IL16: variants seen among roughly 807,000 people sequenced by gnomAD.
IL16 encodes the protein interleukin 16.
Under a neutral mutation model 110.1 loss-of-function variants are expected in IL16, and 67 were observed. That is an observed-to-expected ratio of 0.61 (90% CI 0.50 to 0.75). IL16 has a LOEUF of 0.75. Ranked by LOEUF, IL16 falls within the 30% of genes least tolerant of loss-of-function variation. The pLI is 0.00. For synonymous variants in IL16, 689 were observed against 662.9 expected, an observed-to-expected ratio of 1.04 and a Z score of -0.61; for missense variants, 1,545 against 1,655.0, an observed-to-expected ratio of 0.93 and a Z score of 1.15.
Position 81,277,640 on chromosome 15 carries a change from C to T in IL16, c.791-1177C>T, listed in dbSNP as rs117955688. Among the ~76,000 whole-genome samples the T allele has an allele frequency of 2.2e-3, 341 of 152,158 alleles. 3 individuals carry two copies. The East Asian group carries it at 0.03, about 13-fold the overall frequency. Reference sequence around the variant, plus strand: ...TGTACGTTTTGTAGAAACAGGGTTTCGCCATGTTGCCCAGGGTGCCCCCAT... The same window carrying T: ...TGTACGTTTTGTAGAAACAGGGTTTTGCCATGTTGCCCAGGGTGCCCCCAT... On this transcript the variant is annotated intron_variant, in intron 6 of 18. Coordinates refer to ENST00000683961, the MANE Select transcript of IL16 (RefSeq NM_172217.5).
rs532872365 is a variant in IL16 at position 81,231,324 on chromosome 15, G to GTCTCTCTCTCTCTC, written c.312+5658_312+5671dup. Among the ~76,000 whole-genome samples the GTCTCTCTCTCTCTC allele has an allele frequency of 1.6e-3, 76 of 47,132 alleles. 17 individuals are homozygous for GTCTCTCTCTCTCTC. Among genetic ancestry groups the GTCTCTCTCTCTCTC allele is most frequent in the East Asian group, 2.2e-3 (3 of 1,346 alleles). 30.9% of individuals were successfully genotyped at this position (47,132 alleles called of 152,430 possible). A position where few individuals can be genotyped will look rare whatever the true frequency, so the allele number is the denominator to read the frequency against. ...GGGGAGATCTACCCAAGGTCGGTCT[G>GTCTCTCTCTCTCTC]TCTCTCTCTCTCTCTCTCTCTCTCT... On this transcript the variant is annotated intron_variant, in intron 2 of 18. Coordinates refer to ENST00000683961, the MANE Select transcript of IL16 (RefSeq NM_172217.5).
Position 81,196,888 on chromosome 15 carries a change from C to G in IL16, c.-366C>G. On this transcript the variant is annotated 5_prime_UTR_variant, in exon 1 of 19. Transcript: ENST00000683961. ...CCATGCCAGGTGGGACACATTTGTC[C>G]TGAGTCACCTGTCCAGAGCAGGTGG... 3.4e-6 allele frequency: 4 copies of G among 1,173,184 alleles called. No homozygotes were observed. Among genetic ancestry groups the G allele is most frequent in the Middle Eastern group, 3.8e-4 (1 of 2,630 alleles). The allele number at this position is 1,173,184 out of a possible 1,614,324, so 72.7% of individuals were successfully genotyped here.
intron 1 of IL16, among the ~76,000 whole-genome samples, chr15:81,198,526 C>T (rs532819960): frequency 1.3e-5 from 2 of 152,204 alleles, no homozygotes; most frequent in East Asian, 1.9e-4. Context: ...TTATTATTTT[C>T]TAATTGTTTG....
intron 1 of IL16, among the ~76,000 whole-genome samples, chr15:81,223,864 A>G (rs1896699877): frequency 6.6e-6 from 1 of 152,198 alleles, no homozygotes; most frequent in South Asian, 2.1e-4. Flanking sequence ...TGAACTCTGC[A>G]GAGGCTTGGA....
chr15:81,259,096 A>G (rs1416812366), intron 2 of IL16, among the ~76,000 whole-genome samples: 1 of 152,254 alleles, frequency 6.6e-6, no homozygotes, highest in Admixed American at 6.5e-5. Flanking sequence ...AAGTTTAACA[A>G]TATTGATTTT....
chr15:81,263,170 C>T (rs1393924988), intron 3 of IL16, among the ~76,000 whole-genome samples: 2 of 152,178 alleles, frequency 1.3e-5, no homozygotes, highest in East Asian at 3.9e-4. Context: ...ATAACATTTT[C>T]CAAATTGTCC....
Position 81,303,991 on chromosome 15 carries a change from C to T in IL16, c.3420+341C>T, listed in dbSNP as rs572674009. Among the ~76,000 whole-genome samples, 7 of 152,294 alleles carry T rather than the reference C, an allele frequency of 4.6e-5. No homozygotes were observed. Among genetic ancestry groups the T allele is most frequent in the African/African-American group, 1.7e-4 (7 of 41,574 alleles). On this transcript the variant is annotated intron_variant, in intron 16 of 18. Coordinates refer to ENST00000683961, the MANE Select transcript of IL16 (RefSeq NM_172217.5). The surrounding 1 kb of genome is among the most constrained non-coding windows in gnomAD (Gnocchi z 4.1). ...GCTGCGGCTGCTCGCTCTCTAAAGCCGAGTGCATTGCTGTCATCCCAGGGC... is the reference window on the plus strand; with the variant it reads ...GCTGCGGCTGCTCGCTCTCTAAAGCTGAGTGCATTGCTGTCATCCCAGGGC...
chr15:81,300,336 T>G lies in IL16; in HGVS notation c.3010T>G (p.Cys1004Gly). Reference protein sequence around the residue: ...VSSAVMKSLLCLPSSISCAQT... With the variant: ...VSSAVMKSLLGLPSSISCAQT... ...ATCGGCTGTCATGAAATCCTTGCTGTGCCTTCCATCTTCTATCTCCTGTGC... is the reference window on the plus strand; with the variant it reads ...ATCGGCTGTCATGAAATCCTTGCTGGGCCTTCCATCTTCTATCTCCTGTGC... The change falls in exon 14 of 19, where the codon TGC becomes GGC. Residue 1004 changes from cysteine (C) to glycine (G), a missense_variant. Transcript: ENST00000683961. 6.2e-7 allele frequency: 1 copy of G among 1,614,206 alleles called. No homozygotes were observed. Among genetic ancestry groups the G allele is most frequent in the Non-Finnish European group, 8.5e-7 (1 of 1,180,032 alleles).
At chr15:81,212,339 TA>T (rs1896278865) in intron 1 of IL16, among the ~76,000 whole-genome samples, 3 of 152,156 alleles carry the variant, frequency 2.0e-5, no homozygotes, top group Admixed American at 6.5e-5. Flanking sequence ...TGGGATCAGT[TA>T]TAATACCATC....
At chr15:81,194,966 C>T (rs538838080), upstream of IL16, among the ~76,000 whole-genome samples, 12 of 152,210 alleles carry the variant, frequency 7.9e-5, no homozygotes, top group East Asian at 2.3e-3. Flanking sequence ...TCTTCCTCCC[C>T]GTCTCTTCTG....
chr15:81,208,259 A>C (rs576049511), intron 1 of IL16, among the ~76,000 whole-genome samples: 1 of 152,212 alleles, frequency 6.6e-6, no homozygotes, highest in East Asian at 1.9e-4. Flanking sequence ...AGTTCCTTAT[A>C]GTTTCTGGAT....
chr15:81,192,891 A>G (rs376517404), upstream of IL16, among the ~76,000 whole-genome samples: 3 of 152,148 alleles, frequency 2.0e-5, no homozygotes, highest in African/African-American at 7.2e-5. Context: ...GATAAATTGG[A>G]TGTGATGTGG....
At chr15:81,230,054 G>T (rs1896918884) in intron 2 of IL16, among the ~76,000 whole-genome samples, 2 of 152,296 alleles carry the variant, frequency 1.3e-5, no homozygotes, top group African/African-American at 4.8e-5. Context: ...CCAAAGCGGG[G>T]CATGGGCGTG....
At chr15:81,223,784 T>C (rs1182137166) in intron 1 of IL16, among the ~76,000 whole-genome samples, 2 of 152,252 alleles carry the variant, frequency 1.3e-5, no homozygotes, top group East Asian at 1.9e-4. Context: ...TGGCCACGAA[T>C]GTTTCATGAT....
intron 13 of IL16, among the ~76,000 whole-genome samples, chr15:81,297,954 G>A (rs1172444311): frequency 1.3e-5 from 2 of 152,218 alleles, no homozygotes; most frequent in South Asian, 4.1e-4. Flanking sequence ...ATTTTGGAAA[G>A]ATCTAGCACA....
In IL16 at chr15:81,197,047, T is replaced by C. The variant is rs1444745587; in HGVS notation, c.-207T>C. ...TCTGACCCAGGCCTGGGCCACAGGC[T>C]GTCCGGGAATAAGTGGTGCTGCAAT... On this transcript the variant is annotated 5_prime_UTR_variant, in exon 1 of 19. Coordinates refer to ENST00000683961, the MANE Select transcript of IL16 (RefSeq NM_172217.5). 17 of 1,288,724 alleles carry C rather than the reference T, an allele frequency of 1.3e-5. No individual in the cohort carries two copies. Among genetic ancestry groups the C allele is most frequent in the Non-Finnish European group, 1.7e-5 (17 of 988,550 alleles). The allele number at this position is 1,288,724 out of a possible 1,614,324, so 79.8% of individuals were successfully genotyped here.
At chr15:81,231,392 A>G (rs1304899345) in intron 2 of IL16, among the ~76,000 whole-genome samples, 1 of 105,086 alleles carries the variant, frequency 9.5e-6, no homozygotes, top group African/African-American at 3.4e-5. Flanking sequence ...CCCTCTCTTA[A>G]GACAGGGTCT....
chr15:81,244,500 A>G (rs955940879), intron 2 of IL16, among the ~76,000 whole-genome samples: 3 of 152,072 alleles, frequency 2.0e-5, no homozygotes, highest in African/African-American at 7.2e-5. Context: ...TTCTTCCATT[A>G]CTTAAAAATA....
intron 1 of IL16, among the ~76,000 whole-genome samples, chr15:81,224,063 TATTG>T (rs1484456869): frequency 1.3e-5 from 2 of 152,250 alleles, no homozygotes; most frequent in African/African-American, 4.8e-5. Flanking sequence ...TGTTTATTGC[TATTG>T]ATTACTGGGA....
Sources: gnomAD v4.1 joint callset for allele counts (sites outside exome capture counted in the v4.1 genomes callset) on GRCh38, gnomAD v4.1.1 for gene constraint, Gnocchi (gnomAD v3.1) non-coding constraint, MANE v1.5 for transcripts, NCBI Gene and HGNC (gene_info 2026-07-23, HGNC 2026-07-21) for gene names.